MAP3K19: variants seen among roughly 807,000 people sequenced by gnomAD.
MAP3K19 encodes the protein SPS1/STE20-related protein kinase YSK4.
Under a neutral mutation model 114.4 loss-of-function variants are expected in MAP3K19, and 91 were observed. The ratio of observed to expected loss-of-function variants is 0.80; its 90% CI spans 0.67 to 0.95. The LOEUF (loss-of-function observed/expected upper bound fraction) is 0.95, where lower values mean the gene tolerates loss of function less well. Among genes scored for constraint, MAP3K19 ranks in the 40% least tolerant of loss-of-function variants. The pLI is 0.00. For missense variants in MAP3K19, 1,471 were observed against 1,573.2 expected, an observed-to-expected ratio of 0.94 and a Z score of 1.10; for synonymous variants, 518 against 530.5, an observed-to-expected ratio of 0.98 and a Z score of 0.32.
chr2:135,008,257 A>T (rs1466962039), intron 5 of MAP3K19, among the ~76,000 whole-genome samples: 3 of 151,910 alleles, frequency 2.0e-5, no homozygotes, highest in African/African-American at 7.3e-5. Flanking sequence ...CGAGTAGCTG[A>T]GACTACAGGC....
At chr2:134,968,677 G>T (rs1334325911) in intron 12 of MAP3K19, among the ~76,000 whole-genome samples, 3 of 151,308 alleles carry the variant, frequency 2.0e-5, no homozygotes, top group East Asian at 4.0e-4. Flanking sequence ...AGACGGGGTC[G>T]CGGCCGGGCA....
chr2:134,987,197 G>C lies in MAP3K19; in HGVS notation c.1675C>G (p.Pro559Ala). ...PQNFVISTEG[P>A]IKPTMHKTSI... is the part of the protein sequence containing the mutation. ...GTTTTATGCATGGTAGGCTTAATGG[G>C]ACCTTCAGTAGAAATCACAAAATTC... The change falls in exon 10 of 13, where the codon CCC becomes GCC. Residue 559 changes from proline (P) to alanine (A), a missense_variant. Pro to Ala is a conservative substitution (Grantham distance 27). Coordinates refer to ENST00000392915, the MANE Select transcript of MAP3K19 (RefSeq NM_025052.5). 2 of 1,614,146 alleles carry C rather than the reference G, an allele frequency of 1.2e-6. No homozygotes were observed. Among genetic ancestry groups the C allele is most frequent in the Non-Finnish European group, 1.7e-6 (2 of 1,180,022 alleles).
rs1683221791 is a variant in MAP3K19, at chr2:134,964,690, A to C, written c.*160T>G. 3.9e-6 allele frequency: 2 copies of C among 512,044 alleles called. No individual in the cohort carries two copies. The highest frequency in any genetic ancestry group is 6.2e-5 in the East Asian group (2 of 32,318). The allele number at this position is 512,044 out of a possible 1,614,324, so 31.7% of individuals were successfully genotyped here. On this transcript the variant is annotated 3_prime_UTR_variant, in exon 13 of 13. Coordinates refer to ENST00000392915, the MANE Select transcript of MAP3K19 (RefSeq NM_025052.5). Reference sequence around the variant, plus strand: ...TAATGTCTGACACTTGAGGAGGCTAATATGTAACTGCAACTTTCAGTTAAT... The same window carrying C: ...TAATGTCTGACACTTGAGGAGGCTACTATGTAACTGCAACTTTCAGTTAAT...
chr2:135,044,481 T>C (rs561163515), intron 1 of MAP3K19, among the ~76,000 whole-genome samples: 3 of 152,210 alleles, frequency 2.0e-5, no homozygotes, highest in Non-Finnish European at 2.9e-5. Context: ...TACAAGCTAC[T>C]TGGGAGGCTG....
At chr2:134,991,232 C>T in intron 9 of MAP3K19, 3 of 308,648 alleles carry the variant, frequency 9.7e-6, no homozygotes, top group Admixed American at 4.1e-5. Flanking sequence ...ACCCGGGAGG[C>T]GGAGCTTGCA....
intron 6 of MAP3K19, among the ~76,000 whole-genome samples, chr2:135,003,037 G>C (rs1686562463): frequency 6.6e-6 from 1 of 152,182 alleles, no homozygotes; most frequent in Non-Finnish European, 1.5e-5. Context: ...CCCCGATCCA[G>C]CTGGATTTGT....
At chr2:135,005,310 C>T (rs1686735607) in intron 6 of MAP3K19, 125 bp downstream of exon 6, 2 of 697,676 alleles carry the variant, frequency 2.9e-6, no homozygotes, top group African/African-American at 1.8e-5. Flanking sequence ...CCTCCACTCC[C>T]TCTACCCTCT....
At chr2:134,988,588 C>T (rs563953974) in intron 9 of MAP3K19, among the ~76,000 whole-genome samples, 1 of 152,178 alleles carries the variant, frequency 6.6e-6, no homozygotes, top group African/African-American at 2.4e-5. Context: ...CAAGGTCTCT[C>T]TATGTTGCCC....
At chr2:135,029,796 T>C (rs1688339094) in intron 3 of MAP3K19, among the ~76,000 whole-genome samples, 1 of 152,228 alleles carries the variant, frequency 6.6e-6, no homozygotes, top group Admixed American at 6.5e-5. Flanking sequence ...TGGGAAAAAG[T>C]ATCTGTAAGT....
chr2:134,998,835 A>G lies in MAP3K19; in HGVS notation c.477T>C (p.Phe159=). 2 of 1,614,222 alleles carry G rather than the reference A, an allele frequency of 1.2e-6. No individual in the cohort carries two copies. The highest frequency in any genetic ancestry group is 1.7e-6 in the Non-Finnish European group (2 of 1,180,036). The change falls in exon 8 of 13, where the codon TTT becomes TTC. Residue 159 remains phenylalanine, a synonymous_variant. Transcript: ENST00000392915. ...GTTCTAAACAAGATCTTGGTAGCAA[A>G]AAGCCCAAGTTCACATTGCAGAGCT... is the stretch of plus-strand genomic sequence containing the variant. ...SRELCNVNLG[F]LLPRSCLELN...
At chr2:135,002,299 G>C (rs980398029) in intron 6 of MAP3K19, among the ~76,000 whole-genome samples, 1 of 152,138 alleles carries the variant, frequency 6.6e-6, no homozygotes, top group African/African-American at 2.4e-5. Flanking sequence ...TTAATTTGTT[G>C]TTGTTAGTGT....
intron 12 of MAP3K19, among the ~76,000 whole-genome samples, chr2:134,977,356 ATTTTTTTTT>A (rs774277347): frequency 1.2e-5 from 1 of 86,834 alleles, no homozygotes; most frequent in South Asian, 4.6e-4. Flanking sequence ...TAATTTTTAA[ATTTTTTTTT>A]TTTTTTTTTT....
Position 134,986,032 on chromosome 2 carries a change from C to A in MAP3K19, c.2840G>T (p.Ser947Ile), listed in dbSNP as rs1685071134. 6.2e-7 allele frequency: 1 copy of A among 1,613,562 alleles called. No homozygotes were observed. Among genetic ancestry groups the A allele is most frequent in the Non-Finnish European group, 8.5e-7 (1 of 1,179,886 alleles). ...ITYQMFGKTL[S>I]GTNSISQEIM... Reference sequence around the variant, plus strand: ...TTCTTGGGAAATTGAATTTGTGCCACTTAAGGTTTTTCCAAACATTTGATA... The same window carrying A: ...TTCTTGGGAAATTGAATTTGTGCCAATTAAGGTTTTTCCAAACATTTGATA... The change falls in exon 10 of 13, where the codon AGT becomes ATT. Residue 947 changes from serine to isoleucine, a missense_variant. Ser to Ile is a moderately radical substitution (Grantham distance 142). Coordinates refer to ENST00000392915, the MANE Select transcript of MAP3K19 (RefSeq NM_025052.5).
At position 134,986,533 on chromosome 2, in the gene MAP3K19, T is replaced by C. The variant is rs1190555171; in HGVS notation, c.2339A>G (p.Lys780Arg). ...KSSGNEFLSS[K>R]DEIHPMNLAQ... ...CAAGTTCATGGGATGAATTTCATCTTTGGAAGATAGAAACTCATTTCCTGA... is the reference window on the plus strand; with the variant it reads ...CAAGTTCATGGGATGAATTTCATCTCTGGAAGATAGAAACTCATTTCCTGA... Residue 780 changes from lysine to arginine, a missense_variant, in exon 10 of 13, where the codon AAA becomes AGA. Coordinates refer to ENST00000392915, the MANE Select transcript of MAP3K19 (RefSeq NM_025052.5). The C allele has an allele frequency of 6.2e-7, 1 of 1,614,154 alleles. No individual in the cohort carries two copies. The highest frequency in any genetic ancestry group is 1.1e-5 in the South Asian group (1 of 91,050).
intron 12 of MAP3K19, among the ~76,000 whole-genome samples, chr2:134,969,084 C>G (rs1223483955): frequency 2.0e-5 from 3 of 152,192 alleles, no homozygotes; most frequent in Admixed American, 6.5e-5. Context: ...GAACGAGACT[C>G]CGTCTGCAAT....
At chr2:134,992,294 C>G (rs1226753819) in intron 8 of MAP3K19, among the ~76,000 whole-genome samples, 1 of 152,274 alleles carries the variant, frequency 6.6e-6, no homozygotes, top group East Asian at 1.9e-4. Flanking sequence ...GTTGTTTAAA[C>G]TAGATCGACC....
At position 134,976,076 on chromosome 2, in the gene MAP3K19, C is replaced by T. The variant is rs573642835; in HGVS notation, c.3920+4745G>A. Reference sequence around the variant, plus strand: ...TACAATGCTGGGGATCTGGCCACTCCACTGGGTACAACTGGCATCACACTG... The same window carrying T: ...TACAATGCTGGGGATCTGGCCACTCTACTGGGTACAACTGGCATCACACTG... On this transcript the variant is annotated intron_variant, in intron 12 of 12. Transcript: ENST00000392915. Among the ~76,000 whole-genome samples, 28 of 152,292 alleles carry T rather than the reference C, an allele frequency of 1.8e-4. No homozygotes were observed. The South Asian group carries it at 2.3e-3, about 12-fold the overall frequency.
chr2:135,023,622 C>T (rs951487290), intron 4 of MAP3K19: 5 of 491,144 alleles, frequency 1.0e-5, no homozygotes, highest in South Asian at 3.0e-5. Context: ...TCTGTGTCTC[C>T]GCTGTCAACA....
intron 12 of MAP3K19, among the ~76,000 whole-genome samples, chr2:134,968,015 A>G (rs1262971051): frequency 6.6e-6 from 1 of 152,062 alleles, no homozygotes; most frequent in Admixed American, 6.5e-5. Context: ...GGCCTTCCGC[A>G]GTGTTTGTGT....
Sources: allele counts gnomAD v4.1 joint callset (sites outside exome capture counted in the v4.1 genomes callset), GRCh38; gene constraint gnomAD v4.1.1; transcripts MANE v1.5; gene names NCBI Gene and HGNC (gene_info 2026-07-23, HGNC 2026-07-21).